RALGDS: variants seen among roughly 807,000 people sequenced by gnomAD.
The protein encoded by RALGDS is ral guanine nucleotide dissociation stimulator, also known as ral guanine nucleotide exchange factor.
In RALGDS, 44 loss-of-function variants were observed where a neutral mutation model predicts 99.8. The ratio of observed to expected loss-of-function variants is 0.44; its 90% CI spans 0.35 to 0.57. RALGDS has a LOEUF of 0.57. Ranked by LOEUF, RALGDS falls within the 20% of genes least tolerant of loss-of-function variation. RALGDS has a pLI of 0.01. For synonymous variants in RALGDS, 529 were observed against 505.0 expected, an observed-to-expected ratio of 1.05 and a Z score of -0.64; for missense variants, 1,022 against 1,203.1, an observed-to-expected ratio of 0.85 and a Z score of 2.23.
chr9:133,133,935 C>CGCGAA (rs1564252728), upstream of RALGDS, among the ~76,000 whole-genome samples: 2 of 152,194 alleles, frequency 1.3e-5, no homozygotes, highest in African/African-American at 4.8e-5. Flanking sequence ...AGTGACTCCT[C>CGCGAA]GCGAAGCTGT....
chr9:133,135,495 A>G (rs1832411127), upstream of RALGDS, among the ~76,000 whole-genome samples: 1 of 152,214 alleles, frequency 6.6e-6, no homozygotes, highest in African/African-American at 2.4e-5. Flanking sequence ...CTTTGAGCCC[A>G]GCAGGACCCA....
chr9:133,136,696 TG>T (rs1832432912), intron 1 of RALGDS, among the ~76,000 whole-genome samples: 1 of 151,530 alleles, frequency 6.6e-6, no homozygotes, highest in Admixed American at 6.6e-5. Context: ...TGCTTGAACC[TG>T]GGAGGCAGAG....
chr9:133,140,285 C>A (rs1043947653), intron 1 of RALGDS, among the ~76,000 whole-genome samples: 4 of 152,128 alleles, frequency 2.6e-5, no homozygotes, highest in Non-Finnish European at 2.9e-5. Context: ...AGGGCACCCC[C>A]CCACACACAC....
At chr9:133,113,348 G>A (rs1219484238) in intron 1 of RALGDS, among the ~76,000 whole-genome samples, 1 of 152,188 alleles carries the variant, frequency 6.6e-6, no homozygotes, top group Non-Finnish European at 1.5e-5. Context: ...CGGGACCCTG[G>A]CCTCCTGCCT....
In RALGDS at chr9:133,098,389, G is replaced by A. The variant is rs1306433295; in HGVS notation, c.*198C>T. 1.6e-6 allele frequency: 1 copy of A among 615,906 alleles called. No individual in the cohort carries two copies. Among genetic ancestry groups the A allele is most frequent in the African/African-American group, 1.8e-5 (1 of 54,402 alleles). The allele number at this position is 615,906 out of a possible 1,614,324, so 38.2% of individuals were successfully genotyped here. ...GTTCCAGAGAGCAGAAGGCACCTAA[G>A]GCAGCGAGTGGTCCACGGGAGGCCA... is the stretch of plus-strand genomic sequence containing the variant. On this transcript the variant is annotated 3_prime_UTR_variant, in exon 18 of 18. Coordinates refer to ENST00000372050, the MANE Select transcript of RALGDS (RefSeq NM_006266.4).
chr9:133,098,200 C>T lies in RALGDS; in HGVS notation c.*387G>A. 1 of 388,864 alleles carries T rather than the reference C, an allele frequency of 2.6e-6. No individual in the cohort carries two copies. Among genetic ancestry groups the T allele is most frequent in the Non-Finnish European group, 4.8e-6 (1 of 207,488 alleles). 24.1% of individuals were successfully genotyped at this position (388,864 alleles called of 1,614,324 possible). On this transcript the variant is annotated 3_prime_UTR_variant, in exon 18 of 18. Coordinates refer to ENST00000372050, the MANE Select transcript of RALGDS (RefSeq NM_006266.4). ...AGTGCCTGTGGGCATGAGAGAACTG[C>T]AGTGGTCACAGTGGGTGCTCTGGGG... is the stretch of plus-strand genomic sequence containing the variant.
intron 1 of RALGDS, among the ~76,000 whole-genome samples, chr9:133,115,910 C>T (rs889345896): frequency 2.2e-4 from 34 of 152,262 alleles, no homozygotes; most frequent in African/African-American, 7.2e-4. Flanking sequence ...AAACGTAAAA[C>T]GCATCACAGA....
intron 17 of RALGDS, 22 bp from the exon 18 acceptor site, chr9:133,098,784 G>A: frequency 6.2e-7 from 1 of 1,613,246 alleles, no homozygotes; most frequent in Non-Finnish European, 8.5e-7. Flanking sequence ...GGGCAGAGGG[G>A]TGATCAGGGA....
At position 133,108,690 on chromosome 9, in the gene RALGDS, A is replaced by G. The variant is rs747828890; in HGVS notation, c.761T>C (p.Ile254Thr). 2.4e-5 allele frequency: 39 copies of G among 1,613,368 alleles called. No homozygotes were observed. The highest frequency in any genetic ancestry group is 6.7e-5 in the East Asian group (3 of 44,854). The change falls in exon 5 of 18, where the codon ATT (isoleucine) becomes ACT (threonine). Residue 254 changes from isoleucine to threonine, a missense_variant. Transcript: ENST00000372050. ...CTCCTCACCCTCAGGCTCTGCCTCA[A>G]TGGGTTCCGAGTGCTCCAGCTGGGC... ...LLAQLEHSEP[I>T]EAEPEALSPV...
Position 133,101,713 on chromosome 9 carries a change from G to A in RALGDS, c.2261C>T (p.Ser754Leu), listed in dbSNP as rs1047531917. 5 of 1,613,770 alleles carry A rather than the reference G, an allele frequency of 3.1e-6. No homozygotes were observed. Among genetic ancestry groups the A allele is most frequent in the South Asian group, 1.1e-5 (1 of 91,080 alleles). Reference protein sequence around the residue: ...QSSPETSGISSASSSTSSSSA... With the variant: ...QSSPETSGISLASSSTSSSSA... ...GGAGGACGAGGTGCTGCTGGAGGCT[G>A]AGCTGATGCCGGAGGTCTCCGGGGA... Residue 754 changes from serine to leucine, a missense_variant, in exon 16 of 18, where the codon TCA becomes TTA. Ser to Leu is a moderately radical substitution (Grantham distance 145). Transcript: ENST00000372050.
chr9:133,148,136 A>C (rs1010535366), intron 1 of RALGDS, among the ~76,000 whole-genome samples: 1 of 152,204 alleles, frequency 6.6e-6, no homozygotes, highest in Admixed American at 6.5e-5. Flanking sequence ...GGGCATCCCC[A>C]GTGGAGACCT....
intron 1 of RALGDS, among the ~76,000 whole-genome samples, chr9:133,118,015 C>T (rs1038508659): frequency 3.3e-5 from 5 of 152,232 alleles, no homozygotes; most frequent in African/African-American, 4.8e-5. Context: ...CTGAGCCTCC[C>T]GGGAAACAGG....
chr9:133,144,530 C>T lies in RALGDS; in HGVS notation c.18+4433G>A, dbSNP rs1266781286. On this transcript the variant is annotated intron_variant, in intron 1 of 17. Transcript: ENST00000393160. The surrounding 1 kb of genome is among the most constrained non-coding windows in gnomAD (Gnocchi z 4.5). ...AGCTGTGCGCAAGCTCCTCGCGACC[C>T]GAAAGCGAGACCTTTGTCTGCGGCA... Among the ~76,000 whole-genome samples the T allele has an allele frequency of 6.6e-6, 1 of 152,238 alleles. No individual in the cohort carries two copies. The highest frequency in any genetic ancestry group is 2.4e-5 in the African/African-American group (1 of 41,466).
rs771174300 is a variant in RALGDS, at chr9:133,104,253, G to C, written c.1671+10C>G. The C allele has an allele frequency of 6.2e-7, 1 of 1,612,132 alleles. No homozygotes were observed. The highest frequency in any genetic ancestry group is 8.5e-7 in the Non-Finnish European group (1 of 1,178,336). On this transcript the variant is annotated intron_variant, in intron 10 of 17. Transcript: ENST00000372050. ...GCCCCCTGCCCCTCCGCGGCCTTGG[G>C]CACTCTCACCGTCTCCTTCGGCCGT...
chr9:133,107,357 G>T, intron 6 of RALGDS, 57 bp from the exon 7 acceptor site: 1 of 1,455,372 alleles, frequency 6.9e-7, no homozygotes, highest in Non-Finnish European at 9.5e-7. Flanking sequence ...GCTGGTGCTG[G>T]GGAAGCTGAG....
exon 1 of RALGDS, chr9:133,149,083 G>A: frequency 1.2e-6 from 1 of 861,614 alleles, no homozygotes. Flanking sequence ...CCCGGCTGCG[G>A]GGCTCATGGC....
At chr9:133,103,900 A>C in intron 10 of RALGDS, 67 bp from the exon 11 acceptor site, 1 of 1,489,930 alleles carries the variant, frequency 6.7e-7, no homozygotes, top group East Asian at 2.3e-5. Flanking sequence ...CCCCAGCCCC[A>C]ACTGGTCTCA....
chr9:133,145,085 C>A (rs192639185), intron 1 of RALGDS, among the ~76,000 whole-genome samples: 10 of 152,336 alleles, frequency 6.6e-5, no homozygotes, highest in East Asian at 1.9e-4. Context: ...TCTCCTAGAA[C>A]CTTCAGAGAC....
In RALGDS at chr9:133,114,337, G is replaced by A. The variant is rs376536875; in HGVS notation, c.184-2185C>T. 1.8e-4 allele frequency among the ~76,000 whole-genome samples: 28 copies of A among 152,334 alleles called. 1 individual carries two copies. In the East Asian group the frequency reaches 3.7e-3, roughly 20 times the overall value. On this transcript the variant is annotated intron_variant, in intron 1 of 17. Transcript: ENST00000372050. ...GCATGGAACCAGACCATAGAGCTAC[G>A]TGGAGTACAGGGGCTGTTTAAACCA...
Sources: allele counts gnomAD v4.1 joint callset (sites outside exome capture counted in the v4.1 genomes callset), GRCh38; gene constraint gnomAD v4.1.1; non-coding constraint Gnocchi (gnomAD v3.1); transcripts MANE v1.5; gene names NCBI Gene and HGNC (gene_info 2026-07-23, HGNC 2026-07-21).